Variants in GRIK2 observed in about 807,000 individuals in gnomAD.
GRIK2 encodes the protein glutamate ionotropic receptor kainate type subunit 2, also known as glutamate receptor ionotropic, kainate 2.
A neutral mutation model predicts 100.3 loss-of-function variants in GRIK2; 32 were observed. That is an observed-to-expected ratio of 0.32 (90% CI 0.24 to 0.43). The LOEUF is 0.43. Ranked by LOEUF, GRIK2 falls within the 20% of genes least tolerant of loss-of-function variation. The probability of loss-of-function intolerance (pLI) is 1.00; values close to 1 mark genes in which losing one functional copy is unlikely to be tolerated. For synonymous variants in GRIK2, 417 were observed against 389.4 expected (o/e 1.07, Z -0.83); for missense variants, 843 against 1,114.9 (o/e 0.76, Z 3.47).
At chr6:101,460,688 A>G (rs762042828) in intron 2 of GRIK2, among the ~76,000 whole-genome samples, 8 of 152,176 alleles carry the variant, frequency 5.3e-5, no homozygotes, top group Non-Finnish European at 7.3e-5. Context: ...TTATCTCCAT[A>G]TAGAGAATCT....
At chr6:101,927,411 G>C (rs2128471298) in intron 13 of GRIK2, 1 of 194,712 alleles carries the variant, frequency 5.1e-6, no homozygotes. Flanking sequence ...ATGCTTTCTT[G>C]ATAGATTCAA....
chr6:101,680,147 CA>C (rs1771138407), intron 5 of GRIK2, among the ~76,000 whole-genome samples: 1 of 152,190 alleles, frequency 6.6e-6, no homozygotes, highest in Non-Finnish European at 1.5e-5. Flanking sequence ...CAATTACCCT[CA>C]TAGATTTCTT....
chr6:101,705,585 A>C (rs1332585524), intron 7 of GRIK2, among the ~76,000 whole-genome samples: 1 of 151,826 alleles, frequency 6.6e-6, no homozygotes, highest in Non-Finnish European at 1.5e-5. Flanking sequence ...TGGAAAATGT[A>C]CATGTACATG....
At chr6:101,662,529 GT>G (rs780016350) in intron 4 of GRIK2, among the ~76,000 whole-genome samples, 1 of 152,074 alleles carries the variant, frequency 6.6e-6, no homozygotes, top group Non-Finnish European at 1.5e-5. Context: ...CTTCATAAGT[GT>G]TTTTTACCAG....
At chr6:101,988,132 TGCGCGCGCGCGCGC>T (rs112299589) in intron 14 of GRIK2, among the ~76,000 whole-genome samples, 7 of 29,552 alleles carry the variant, frequency 2.4e-4, no homozygotes, top group Non-Finnish European at 5.7e-4. Context: ...TGTGTGTGTG[TGCGCGCGCGCGCGC>T]GCGCGCGCGT....
At chr6:101,896,745 A>G (rs1361616929) in intron 12 of GRIK2, among the ~76,000 whole-genome samples, 1 of 151,694 alleles carries the variant, frequency 6.6e-6, no homozygotes. Context: ...TTTCCACTGG[A>G]AAAATATCTT....
chr6:101,994,568 C>G (rs998766181), intron 14 of GRIK2, among the ~76,000 whole-genome samples: 6 of 151,710 alleles, frequency 4.0e-5, no homozygotes, highest in Non-Finnish European at 8.8e-5. Context: ...AAATTAGACA[C>G]AGCAAGAGTT....
intron 2 of GRIK2, among the ~76,000 whole-genome samples, chr6:101,519,448 C>CT: frequency 6.6e-6 from 1 of 151,494 alleles, no homozygotes; most frequent in Admixed American, 6.6e-5. Context: ...TACTATTTTT[C>CT]TTTTTTATTG....
chr6:102,041,496 T>A, intron 15 of GRIK2, among the ~76,000 whole-genome samples: 1 of 151,664 alleles, frequency 6.6e-6, no homozygotes, highest in African/African-American at 2.4e-5. Context: ...CAAACCCAAA[T>A]GCTTTGCATT....
intron 7 of GRIK2, among the ~76,000 whole-genome samples, chr6:101,734,140 A>G (rs534072316): frequency 6.6e-6 from 1 of 152,252 alleles, no homozygotes; most frequent in Non-Finnish European, 1.5e-5. Flanking sequence ...TCTTGTTACC[A>G]AAATCTGTAT....
At chr6:102,038,374 T>C (rs975052904) in intron 15 of GRIK2, among the ~76,000 whole-genome samples, 1 of 151,406 alleles carries the variant, frequency 6.6e-6, no homozygotes, top group Admixed American at 6.6e-5. Flanking sequence ...GTGAGACTCA[T>C]ATATTACTAC....
chr6:101,502,416 A>G (rs1489796060), intron 2 of GRIK2, among the ~76,000 whole-genome samples: 2 of 152,176 alleles, frequency 1.3e-5, no homozygotes, highest in Non-Finnish European at 2.9e-5. Flanking sequence ...GAGAAGTTAA[A>G]TGAATCTTGG....
At chr6:102,009,460 C>A (rs1407360870) in intron 14 of GRIK2, among the ~76,000 whole-genome samples, 1 of 152,054 alleles carries the variant, frequency 6.6e-6, no homozygotes, top group Non-Finnish European at 1.5e-5. Context: ...CGTTAAGGTT[C>A]TTCATGCATC....
At chr6:101,703,473 G>A (rs1032137789) in intron 7 of GRIK2, among the ~76,000 whole-genome samples, 13 of 151,890 alleles carry the variant, frequency 8.6e-5, no homozygotes, top group African/African-American at 2.6e-4. Flanking sequence ...GATTTGACAC[G>A]AAAGCATTGT....
At chr6:101,549,579 A>G (rs563650949) in intron 2 of GRIK2, among the ~76,000 whole-genome samples, 1 of 152,164 alleles carries the variant, frequency 6.6e-6, no homozygotes, top group East Asian at 1.9e-4. Flanking sequence ...TCTGATTTTA[A>G]TGCAGCAATT....
intron 2 of GRIK2, among the ~76,000 whole-genome samples, chr6:101,589,112 AG>A (rs1562245715): frequency 1.3e-5 from 2 of 152,048 alleles, no homozygotes. Flanking sequence ...AGTGGAGTGG[AG>A]GGGGCTGCGA....
intron 2 of GRIK2, among the ~76,000 whole-genome samples, chr6:101,429,076 A>T (rs1265645974): frequency 1.3e-5 from 2 of 152,160 alleles, no homozygotes; most frequent in African/African-American, 4.8e-5. Context: ...GTGTTTTGCA[A>T]TCTAATTATA....
chr6:101,950,905 C>T (rs935191355), intron 14 of GRIK2, among the ~76,000 whole-genome samples: 3 of 152,008 alleles, frequency 2.0e-5, no homozygotes, highest in Admixed American at 2.0e-4. Context: ...CAATGGTATG[C>T]CTAACACCTT....
At chr6:101,951,698 A>G (rs1791615388) in intron 14 of GRIK2, among the ~76,000 whole-genome samples, 1 of 152,146 alleles carries the variant, frequency 6.6e-6, no homozygotes, top group African/African-American at 2.4e-5. Context: ...GTGATAGTGA[A>G]TAAGTCTCAT....
Sources: allele counts gnomAD v4.1 joint callset (sites outside exome capture counted in the v4.1 genomes callset), GRCh38; gene constraint gnomAD v4.1.1; transcripts MANE v1.5; gene names NCBI Gene and HGNC (gene_info 2026-07-23, HGNC 2026-07-21).